The following SPAG16 variants were observed in gnomAD, a reference collection of about 807,000 sequenced individuals.
SPAG16 encodes the protein sperm associated antigen 16, also known as sperm-associated antigen 16 protein.
Under a neutral mutation model 80.4 loss-of-function variants are expected in SPAG16, and 86 were observed. The ratio of observed to expected loss-of-function variants is 1.07; its 90% CI spans 0.90 to 1.28. SPAG16 has a LOEUF of 1.28. Among genes scored for constraint, SPAG16 ranks in the 50% most tolerant of loss-of-function variants. The probability of loss-of-function intolerance (pLI) is 0.00; values close to 1 mark genes in which losing one functional copy is unlikely to be tolerated. For missense variants in SPAG16, 870 were observed against 765.3 expected (o/e 1.14, Z -1.61); for synonymous variants, 294 against 265.9 (o/e 1.11, Z -1.03).
intron 10 of SPAG16, among the ~76,000 whole-genome samples, chr2:213,600,993 T>C (rs1559297436): frequency 1.3e-5 from 2 of 152,124 alleles, no homozygotes; most frequent in Non-Finnish European, 2.9e-5. Context: ...TATATATCCT[T>C]TGTCTTAGGG....
intron 15 of SPAG16, among the ~76,000 whole-genome samples, chr2:214,260,629 T>C (rs1691075679): frequency 6.6e-6 from 1 of 152,198 alleles, no homozygotes; most frequent in Admixed American, 6.5e-5. Flanking sequence ...CTCTCTCAGC[T>C]AACTCCTGGG....
intron 15 of SPAG16, among the ~76,000 whole-genome samples, chr2:214,255,156 C>A (rs17817960): frequency 0.059 from 8,975 of 152,102 alleles, 313 homozygotes; most frequent in Middle Eastern, 0.11. Flanking sequence ...AATCAATCAT[C>A]AGTGAATCCA....
rs185963626 is a variant in SPAG16, at chr2:213,408,069, G to A, written c.942+32950G>A. Among the ~76,000 whole-genome samples, 326 of 151,058 alleles carry A rather than the reference G, an allele frequency of 2.2e-3. 1 individual carries two copies. Among genetic ancestry groups the A allele is most frequent in the Non-Finnish European group, 3.4e-3 (231 of 67,754 alleles). ...AGACAGGCAGAGAGAGGGAGAGGCA[G>A]GAGAGAGAGAAAGAGAAAAATAGAA... On this transcript the variant is annotated intron_variant, in intron 9 of 15. Coordinates refer to ENST00000331683, the MANE Select transcript of SPAG16 (RefSeq NM_024532.5).
chr2:214,299,192 A>G lies in SPAG16; in HGVS notation c.1721-110948A>G, dbSNP rs1174910723. ...CTAAATAAATTGTAGACAAATAGTA[A>G]AAGTCCAAATATAATGGACAAGGCT... On this transcript the variant is annotated intron_variant, in intron 15 of 15. Coordinates refer to ENST00000331683, the MANE Select transcript of SPAG16 (RefSeq NM_024532.5). Among the ~76,000 whole-genome samples the G allele has an allele frequency of 3.9e-5, 6 of 152,012 alleles. No individual in the cohort carries two copies. In the East Asian group the frequency reaches 1.2e-3, roughly 29 times the overall value.
Position 214,293,288 on chromosome 2 carries a change from G to A in SPAG16, c.1721-116852G>A, listed in dbSNP as rs144134073. On this transcript the variant is annotated intron_variant, in intron 15 of 15. Coordinates refer to ENST00000331683, the MANE Select transcript of SPAG16 (RefSeq NM_024532.5). ...ACCAATTCATGTTGGTGTTGGTGTT[G>A]TCAGTGGCTGCAACAGGCTGGATGG... Among the ~76,000 whole-genome samples, 302 of 152,312 alleles carry A rather than the reference G, an allele frequency of 2.0e-3. 4 individuals carry two copies. The highest frequency in any genetic ancestry group is 6.9e-3 in the African/African-American group (287 of 41,566).
At chr2:213,674,471 T>A (rs1167834702) in intron 10 of SPAG16, among the ~76,000 whole-genome samples, 1 of 151,386 alleles carries the variant, frequency 6.6e-6, no homozygotes, top group African/African-American at 2.5e-5. Flanking sequence ...GACATGCTGG[T>A]GCGCTGCACC....
intron 5 of SPAG16, among the ~76,000 whole-genome samples, chr2:213,334,063 C>T (rs2064230819): frequency 6.6e-6 from 1 of 151,992 alleles, no homozygotes; most frequent in East Asian, 1.9e-4. Flanking sequence ...TATTTGCAAA[C>T]GACTCATCTG....
At chr2:214,176,715 G>A (rs2057095856) in intron 15 of SPAG16, among the ~76,000 whole-genome samples, 1 of 151,136 alleles carries the variant, frequency 6.6e-6, no homozygotes, top group Non-Finnish European at 1.5e-5. Context: ...TAGAAGTACA[G>A]TGATGGTCAA....
chr2:214,192,386 C>A (rs962558660), intron 15 of SPAG16, among the ~76,000 whole-genome samples: 1 of 151,992 alleles, frequency 6.6e-6, no homozygotes, highest in East Asian at 1.9e-4. Flanking sequence ...AGTAACTTTA[C>A]AATCCTGGTG....
intron 10 of SPAG16, among the ~76,000 whole-genome samples, chr2:213,610,758 G>GTA (rs1397368056): frequency 2.0e-5 from 3 of 152,082 alleles, no homozygotes; most frequent in South Asian, 2.1e-4. Context: ...TACAATGCTT[G>GTA]TATATATATA....
At chr2:213,860,447 A>ATG (rs1575383650) in intron 10 of SPAG16, among the ~76,000 whole-genome samples, 8 of 127,066 alleles carry the variant, frequency 6.3e-5, no homozygotes, top group South Asian at 2.7e-4. Context: ...TTATAGATAT[A>ATG]TGTATATATA....
intron 15 of SPAG16, among the ~76,000 whole-genome samples, chr2:214,363,390 C>T (rs1174924884): frequency 6.6e-6 from 1 of 151,962 alleles, no homozygotes. Flanking sequence ...AATATTTTCT[C>T]TTAGTTTCTG....
At chr2:214,080,721 A>G (rs1487733481) in intron 13 of SPAG16, among the ~76,000 whole-genome samples, 5 of 152,158 alleles carry the variant, frequency 3.3e-5, no homozygotes, top group Non-Finnish European at 7.4e-5. Flanking sequence ...TTAATTGTCT[A>G]ATTTATTAGC....
intron 10 of SPAG16, among the ~76,000 whole-genome samples, chr2:213,530,524 C>G (rs1481609724): frequency 6.6e-6 from 1 of 152,136 alleles, no homozygotes; most frequent in Non-Finnish European, 1.5e-5. Context: ...GGACCAGAAG[C>G]ATTTATAATG....
intron 11 of SPAG16, among the ~76,000 whole-genome samples, chr2:213,923,691 G>A (rs1372311328): frequency 6.6e-6 from 1 of 152,168 alleles, no homozygotes; most frequent in African/African-American, 2.4e-5. Flanking sequence ...ACAAAAGTAG[G>A]ACTGCTGGGC....
intron 10 of SPAG16, among the ~76,000 whole-genome samples, chr2:213,760,287 A>G (rs2556300): frequency 0.93 from 141,190 of 152,116 alleles, 66,482 homozygotes; most frequent in East Asian, 1. Context: ...TACTGAGAAC[A>G]GACAAAATAG....
chr2:213,689,435 T>C (rs1286346869), intron 10 of SPAG16, among the ~76,000 whole-genome samples: 1 of 152,108 alleles, frequency 6.6e-6, no homozygotes, highest in African/African-American at 2.4e-5. Context: ...CTATATTCTT[T>C]AGATTTCTTT....
At chr2:214,035,936 G>A (rs566158142) in intron 13 of SPAG16, among the ~76,000 whole-genome samples, 121 of 152,260 alleles carry the variant, frequency 7.9e-4, no homozygotes, top group African/African-American at 2.6e-3. Flanking sequence ...CACTGCAGCC[G>A]GTGTCATGCA....
At chr2:213,349,481 G>T (rs1031317420) in intron 6 of SPAG16, among the ~76,000 whole-genome samples, 3 of 152,120 alleles carry the variant, frequency 2.0e-5, no homozygotes, top group African/African-American at 7.2e-5. Context: ...GGGTACCCAG[G>T]ACTGTCATAT....
Sources: allele counts gnomAD v4.1 joint callset (sites outside exome capture counted in the v4.1 genomes callset), GRCh38; gene constraint gnomAD v4.1.1; transcripts MANE v1.5; gene names NCBI Gene and HGNC (gene_info 2026-07-23, HGNC 2026-07-21).